DRC11: variants seen among roughly 807,000 people sequenced by gnomAD.
The protein encoded by DRC11 is IQ and AAA domain-containing protein 1.
the DRC11 span, among the ~76,000 whole-genome samples, chr2:236,491,123 G>GTA: frequency 7.4e-3 from 423 of 57,308 alleles, 20 homozygotes; most frequent in African/African-American, 0.021. Context: ...TATACAGTGT[G>GTA]TATATATATA....
the DRC11 span, among the ~76,000 whole-genome samples, chr2:236,441,364 T>G: frequency 6.6e-6 from 1 of 151,958 alleles, no homozygotes; most frequent in African/African-American, 2.4e-5. Flanking sequence ...TAAAACATAT[T>G]GTACTTTTTT....
chr2:236,453,849 C>T, the DRC11 span, among the ~76,000 whole-genome samples: 1 of 152,198 alleles, frequency 6.6e-6, no homozygotes, highest in South Asian at 2.1e-4. The surrounding 1 kb of genome is among the most constrained non-coding windows in gnomAD (Gnocchi z 4.9). Context: ...ATCATGTTGG[C>T]CAGGCTGGTC....
the DRC11 span, among the ~76,000 whole-genome samples, chr2:236,314,629 C>A: frequency 6.6e-6 from 1 of 151,988 alleles, no homozygotes. This position sits in a 1 kb window ranked among gnomAD's most constrained non-coding sequence, Gnocchi z 4.5. Context: ...GGATATACAA[C>A]CAATTCAAAA....
At chr2:236,498,292 C>T in the DRC11 span, among the ~76,000 whole-genome samples, 4 of 146,672 alleles carry the variant, frequency 2.7e-5, no homozygotes, top group African/African-American at 1.0e-4. Context: ...CCCGTCTCTA[C>T]TAAAATACAA....
the DRC11 span, among the ~76,000 whole-genome samples, chr2:236,371,556 G>A: frequency 2.0e-5 from 3 of 152,272 alleles, no homozygotes; most frequent in Admixed American, 1.3e-4. This position sits in a 1 kb window ranked among gnomAD's most constrained non-coding sequence, Gnocchi z 5.1. Context: ...GCAATGCCGT[G>A]TTGTCAGCGC....
chr2:236,425,589 G>A, the DRC11 span, among the ~76,000 whole-genome samples: 2 of 151,888 alleles, frequency 1.3e-5, no homozygotes, highest in Non-Finnish European at 2.9e-5. Flanking sequence ...CAATTCATAG[G>A]TTGACTCTTC....
the DRC11 span, among the ~76,000 whole-genome samples, chr2:236,450,140 TATC>T: frequency 1.3e-5 from 2 of 152,090 alleles, no homozygotes; most frequent in Non-Finnish European, 1.5e-5. Flanking sequence ...TAAAAATAAA[TATC>T]ATGTTTGGCT....
the DRC11 span, among the ~76,000 whole-genome samples, chr2:236,430,403 T>C: frequency 4.4e-3 from 666 of 152,356 alleles, 6 homozygotes; most frequent in Non-Finnish European, 4.5e-3. The surrounding 1 kb of genome is among the most constrained non-coding windows in gnomAD (Gnocchi z 6.0). Flanking sequence ...ATGCACATTA[T>C]AAACATCAAC....
chr2:236,381,836 A>G, the DRC11 span, among the ~76,000 whole-genome samples: 432 of 151,952 alleles, frequency 2.8e-3, 2 homozygotes, highest in African/African-American at 0.01. The surrounding 1 kb of genome is among the most constrained non-coding windows in gnomAD (Gnocchi z 5.8). Flanking sequence ...TTATATGTTT[A>G]TTGTTTCAGA....
At chr2:236,406,320 A>G in the DRC11 span, among the ~76,000 whole-genome samples, 1 of 152,184 alleles carries the variant, frequency 6.6e-6, no homozygotes, top group Non-Finnish European at 1.5e-5. The surrounding 1 kb of genome is among the most constrained non-coding windows in gnomAD (Gnocchi z 4.7). Flanking sequence ...GAGCGATTCA[A>G]ATGCATGGAG....
the DRC11 span, among the ~76,000 whole-genome samples, chr2:236,448,756 C>G: frequency 3.3e-5 from 5 of 152,130 alleles, no homozygotes; most frequent in Middle Eastern, 3.2e-3. The surrounding 1 kb of genome is among the most constrained non-coding windows in gnomAD (Gnocchi z 5.3). Context: ...GGCTGGTGGT[C>G]GGGGCAGAGA....
At chr2:236,483,200 C>T in the DRC11 span, among the ~76,000 whole-genome samples, 1 of 152,178 alleles carries the variant, frequency 6.6e-6, no homozygotes, top group Non-Finnish European at 1.5e-5. The surrounding 1 kb of genome is among the most constrained non-coding windows in gnomAD (Gnocchi z 4.8). Flanking sequence ...ATGCATGTTG[C>T]AGCACGTGTC....
At chr2:236,397,993 C>T in the DRC11 span, among the ~76,000 whole-genome samples, 2 of 152,228 alleles carry the variant, frequency 1.3e-5, no homozygotes, top group African/African-American at 4.8e-5. This position sits in a 1 kb window ranked among gnomAD's most constrained non-coding sequence, Gnocchi z 5.0. Flanking sequence ...TTGATAGTGA[C>T]TGCTCTGCAC....
the DRC11 span, among the ~76,000 whole-genome samples, chr2:236,457,309 G>A: frequency 6.6e-6 from 1 of 152,182 alleles, no homozygotes; most frequent in Non-Finnish European, 1.5e-5. This position sits in a 1 kb window ranked among gnomAD's most constrained non-coding sequence, Gnocchi z 4.7. Context: ...CCTTTCAAGT[G>A]TTCAGTTGCC....
chr2:236,324,360 A>G, the DRC11 span: 11 of 268,016 alleles, frequency 4.1e-5, no homozygotes, highest in Middle Eastern at 1.3e-3. This position sits in a 1 kb window ranked among gnomAD's most constrained non-coding sequence, Gnocchi z 5.7. Context: ...GATGAGAGGA[A>G]GAGTCCAACT....
chr2:236,342,718 A>G, the DRC11 span, among the ~76,000 whole-genome samples: 2 of 152,240 alleles, frequency 1.3e-5, no homozygotes, highest in South Asian at 4.1e-4. The surrounding 1 kb of genome is among the most constrained non-coding windows in gnomAD (Gnocchi z 5.8). Flanking sequence ...GGGGGTGGAA[A>G]TACTGGGGGT....
At chr2:236,382,480 A>G in the DRC11 span, among the ~76,000 whole-genome samples, 1 of 152,170 alleles carries the variant, frequency 6.6e-6, no homozygotes, top group African/African-American at 2.4e-5. Flanking sequence ...TATGTCTACA[A>G]ATTATATTTC....
the DRC11 span, among the ~76,000 whole-genome samples, chr2:236,406,610 A>G: frequency 9.7e-3 from 1,474 of 152,332 alleles, 13 homozygotes; most frequent in Non-Finnish European, 0.016. This position sits in a 1 kb window ranked among gnomAD's most constrained non-coding sequence, Gnocchi z 4.7. Context: ...GTGAAATAAT[A>G]ATCCCCTTCT....
At chr2:236,335,003 C>CT in the DRC11 span, among the ~76,000 whole-genome samples, 2 of 151,258 alleles carry the variant, frequency 1.3e-5, no homozygotes, top group Non-Finnish European at 2.9e-5. The surrounding 1 kb of genome is among the most constrained non-coding windows in gnomAD (Gnocchi z 5.6). Context: ...ACAGCTTGGT[C>CT]TGGGGGAAAG....
Sources: allele counts gnomAD v4.1 joint callset (sites outside exome capture counted in the v4.1 genomes callset), GRCh38; gene constraint gnomAD v4.1.1; non-coding constraint Gnocchi (gnomAD v3.1); transcripts MANE v1.5; gene names NCBI Gene and HGNC (gene_info 2026-07-23, HGNC 2026-07-21).